PCNT: variants seen among roughly 807,000 people sequenced by gnomAD.
PCNT encodes kendrin.
In PCNT, 319 loss-of-function variants were observed where a neutral mutation model predicts 380.4. The observed-to-expected ratio is 0.84, with a 90% CI of 0.77 to 0.92. The LOEUF (loss-of-function observed/expected upper bound fraction) is 0.92. Ranked by LOEUF, PCNT falls within the 40% of genes least tolerant of loss-of-function variation. PCNT has a pLI of 0.00. For synonymous variants in PCNT, 1,845 were observed against 1,735.2 expected, an observed-to-expected ratio of 1.06 and a Z score of -1.57; for missense variants, 4,400 against 4,255.3, an observed-to-expected ratio of 1.03 and a Z score of -0.95.
chr21:46,394,418 G>A (rs2147354873), intron 21 of PCNT: 1 of 559,724 alleles, frequency 1.8e-6, no homozygotes, highest in Non-Finnish European at 2.3e-6. Context: ...CCCTGCTGCT[G>A]ACGCTGCCGT....
intron 3 of PCNT, among the ~76,000 whole-genome samples, chr21:46,344,654 G>C (rs2084008975): frequency 6.6e-6 from 1 of 152,242 alleles, no homozygotes; most frequent in Non-Finnish European, 1.5e-5. Context: ...GTGCCTGGCT[G>C]ATGCAGGGGA....
chr21:46,394,507 C>T (rs1196192977), intron 21 of PCNT: 1 of 984,966 alleles, frequency 1.0e-6, no homozygotes, highest in Non-Finnish European at 1.2e-6. Flanking sequence ...TTCATAGGCA[C>T]AGCTGTCACT....
intron 13 of PCNT, among the ~76,000 whole-genome samples, chr21:46,360,183 G>A (rs977772389): frequency 4.4e-5 from 6 of 137,178 alleles, no homozygotes; most frequent in Non-Finnish European, 9.4e-5. Context: ...AAAGTAAAGT[G>A]CATTTTATGT....
intron 11 of PCNT, among the ~76,000 whole-genome samples, chr21:46,355,195 G>A (rs1181118382): frequency 6.6e-6 from 1 of 152,244 alleles, no homozygotes; most frequent in East Asian, 1.9e-4. Flanking sequence ...CTGCCGCCCT[G>A]AGGAGCACCA....
intron 8 of PCNT, 28 bp downstream of exon 8, chr21:46,349,848 C>T: frequency 6.2e-7 from 1 of 1,608,832 alleles, no homozygotes; most frequent in Non-Finnish European, 8.5e-7. Flanking sequence ...TATTTAATTA[C>T]TTGGTATATT....
chr21:46,425,425 G>C lies in PCNT; in HGVS notation c.7180-406G>C, dbSNP rs1291334125. 6.6e-6 allele frequency among the ~76,000 whole-genome samples: 1 copy of C among 152,232 alleles called. No homozygotes were observed. Among genetic ancestry groups the C allele is most frequent in the Non-Finnish European group, 1.5e-5 (1 of 68,046 alleles). On this transcript the variant is annotated intron_variant, in intron 32 of 46. Transcript: ENST00000359568. This position sits in a 1 kb window ranked among gnomAD's most constrained non-coding sequence, Gnocchi z 4.2. ...GTGGCCATCGTGTGGCCTTCTCGTA[G>C]CGTCCCAGGTGGGCAGGGAGTGTGT...
At chr21:46,385,755 T>A in intron 16 of PCNT, 77 bp from the exon 17 acceptor site, 1 of 1,470,622 alleles carries the variant, frequency 6.8e-7, no homozygotes, top group Non-Finnish European at 9.5e-7. Context: ...ATACTGAAAT[T>A]GTGTTGAAAG....
At chr21:46,327,395 TC>T (rs201594478) in intron 2 of PCNT, among the ~76,000 whole-genome samples, 25 of 151,776 alleles carry the variant, frequency 1.6e-4, no homozygotes, top group Non-Finnish European at 2.4e-4. Context: ...GTTTTCTTTT[TC>T]TTTTTTTTTC....
At chr21:46,399,560 G>A (rs780093000) in intron 24 of PCNT, 30 bp from the exon 25 acceptor site, 4 of 1,511,196 alleles carry the variant, frequency 2.6e-6, no homozygotes, top group Admixed American at 3.3e-5. Flanking sequence ...ACATTCTATT[G>A]TATTCCTCAA....
At position 46,351,470 on chromosome 21, in the gene PCNT, A is replaced by G. The variant is rs140400317; in HGVS notation, c.1386A>G (p.Gln462=). The change falls in exon 9 of 47, where the codon CAA becomes CAG. Residue 462 remains glutamine (Q), a synonymous_variant. Coordinates refer to ENST00000359568, the MANE Select transcript of PCNT (RefSeq NM_006031.6). ...LQASYEDLKA[Q]SQEEIRRLWS... is the part of the protein sequence containing the mutation. Reference sequence around the variant, plus strand: ...CATCATATGAAGACCTGAAGGCACAATCACAAGAAGAGATCAGGCGCTTGT... The same window carrying G: ...CATCATATGAAGACCTGAAGGCACAGTCACAAGAAGAGATCAGGCGCTTGT... 15 of 1,613,402 alleles carry G rather than the reference A, an allele frequency of 9.3e-6. No individual in the cohort carries two copies. Among genetic ancestry groups the G allele is most frequent in the Non-Finnish European group, 1.3e-5 (15 of 1,179,438 alleles).
intron 33 of PCNT, among the ~76,000 whole-genome samples, chr21:46,426,611 C>T (rs868825270): frequency 1.6e-4 from 24 of 152,298 alleles, no homozygotes; most frequent in African/African-American, 2.2e-4. Context: ...ACTTGCCCTC[C>T]GGCCTCATTC....
Position 46,418,231 on chromosome 21 carries a change from A to G in PCNT, c.6949A>G (p.Thr2317Ala). 2 of 1,606,906 alleles carry G rather than the reference A, an allele frequency of 1.2e-6. No homozygotes were observed. Among genetic ancestry groups the G allele is most frequent in the South Asian group, 2.2e-5 (2 of 90,918 alleles). Residue 2317 changes from threonine to alanine, a missense_variant, in exon 31 of 47, where the codon ACA becomes GCA. By Grantham distance (58) the Thr-to-Ala change is moderately conservative (BLOSUM62 0). Coordinates refer to ENST00000359568, the MANE Select transcript of PCNT (RefSeq NM_006031.6). ...GAAAGATGTCGAAGATTTTATCACA[A>G]CATCCTTTGATTCTCAAGAAACATT... is the stretch of plus-strand genomic sequence containing the variant. ...VEKDVEDFIT[T>A]SFDSQETLSS...
At chr21:46,431,109 C>T (rs990111286) in intron 37 of PCNT, 1 of 1,181,920 alleles carries the variant, frequency 8.5e-7, no homozygotes, top group African/African-American at 1.6e-5. Flanking sequence ...GTGGTGGTTC[C>T]TAGCAAGCTG....
chr21:46,416,761 C>G lies in PCNT; in HGVS notation c.6843C>G (p.Gly2281=). Residue 2281 remains glycine (G), a synonymous_variant, in exon 30 of 47, where the codon GGC becomes GGG. Coordinates refer to ENST00000359568, the MANE Select transcript of PCNT (RefSeq NM_006031.6). ...TQGPGLLCSP[G]VSAAALALQW... ...GGCCGGGGCTGCTTTGTTCCCCAGG[C>G]GTGTCTGCAGCAGCGCTGGCACTGC... is the stretch of plus-strand genomic sequence containing the variant. The G allele has an allele frequency of 6.2e-7, 1 of 1,603,702 alleles. No homozygotes were observed. The highest frequency in any genetic ancestry group is 8.5e-7 in the Non-Finnish European group (1 of 1,176,922).
At position 46,382,166 on chromosome 21, in the gene PCNT, A is replaced by C. The variant is rs1254312614; in HGVS notation, c.3312+326A>C. On this transcript the variant is annotated intron_variant, in intron 16 of 46. Transcript: ENST00000359568. Reference sequence around the variant, plus strand: ...AGTGGCGGAAGCGCATTCATAGTGTAGATTCAGTGGCGGAAGCGCATTCAT... The same window carrying C: ...AGTGGCGGAAGCGCATTCATAGTGTCGATTCAGTGGCGGAAGCGCATTCAT... Among the ~76,000 whole-genome samples the C allele has an allele frequency of 2.5e-5, 3 of 118,902 alleles. 1 individual carries two copies. The highest frequency in any genetic ancestry group is 8.8e-5 in the Admixed American group (1 of 11,358). 78.0% of individuals were successfully genotyped at this position (118,902 alleles called of 152,430 possible).
Position 46,412,919 on chromosome 21 carries a change from G to T in PCNT, c.6077G>T (p.Cys2026Phe). 6.2e-7 allele frequency: 1 copy of T among 1,612,570 alleles called. No homozygotes were observed. Residue 2026 changes from cysteine to phenylalanine, a missense_variant, in exon 29 of 47, where the codon TGC becomes TTC. Transcript: ENST00000359568. ...QEGVMSVLTV[C>F]QRQLQSELLL... ...GGCGTGATGTCAGTGCTCACCGTCT[G>T]CCAGAGGCAGCTGCAGTCGGAGCTG...
intron 21 of PCNT, among the ~76,000 whole-genome samples, chr21:46,395,544 T>C (rs2086180034): frequency 7.0e-6 from 1 of 143,166 alleles, no homozygotes; most frequent in Admixed American, 6.9e-5. Flanking sequence ...GAAATAATAG[T>C]AATAAAATAG....
At chr21:46,380,928 G>C (rs1483340354) in intron 15 of PCNT, among the ~76,000 whole-genome samples, 1 of 152,114 alleles carries the variant, frequency 6.6e-6, no homozygotes, top group East Asian at 1.9e-4. Context: ...ACTTTTGGAG[G>C]CCAGTGTGGG....
chr21:46,355,544 G>C lies in PCNT; in HGVS notation c.1854G>C (p.Gly618=). The C allele has an allele frequency of 1.9e-6, 3 of 1,614,146 alleles. No homozygotes were observed. Among genetic ancestry groups the C allele is most frequent in the Non-Finnish European group, 2.5e-6 (3 of 1,180,018 alleles). ...CTCCCCTCTGCATCCAGCACGAGGGGCATGTCTCAGACAGATGCTGCGTAG... is the reference window on the plus strand; with the variant it reads ...CTCCCCTCTGCATCCAGCACGAGGGCCATGTCTCAGACAGATGCTGCGTAG... ...LESPLCIQHE[G]HVSDRCCVET... The change falls in exon 12 of 47, where the codon GGG becomes GGC. Residue 618 remains glycine, a synonymous_variant. Coordinates refer to ENST00000359568, the MANE Select transcript of PCNT (RefSeq NM_006031.6).
Sources: allele counts gnomAD v4.1 joint callset (sites outside exome capture counted in the v4.1 genomes callset), GRCh38; gene constraint gnomAD v4.1.1; non-coding constraint Gnocchi (gnomAD v3.1); transcripts MANE v1.5; gene names NCBI Gene and HGNC (gene_info 2026-07-23, HGNC 2026-07-21).